Variants in ITFG1 observed in about 807,000 individuals in gnomAD.
ITFG1 encodes T-cell immunomodulatory protein.
In ITFG1, 34 loss-of-function variants were observed where a neutral mutation model predicts 81.8. The ratio of observed to expected loss-of-function variants is 0.42; its 90% CI spans 0.32 to 0.55. The LOEUF is 0.55. ITFG1 is among the 20% of genes least tolerant of loss of function. The pLI is 0.17. For missense variants in ITFG1, 672 were observed against 755.4 expected (o/e 0.89, Z 1.29); for synonymous variants, 285 against 270.6 (o/e 1.05, Z -0.52).
At chr16:47,296,513 G>C (rs2151557407) in intron 10 of ITFG1, among the ~76,000 whole-genome samples, 1 of 152,176 alleles carries the variant, frequency 6.6e-6, no homozygotes, top group African/African-American at 2.4e-5. Flanking sequence ...TCGGCTCACT[G>C]AAACTTCCGC....
At chr16:47,337,820 G>A (rs777030611) in intron 8 of ITFG1, among the ~76,000 whole-genome samples, 3 of 152,192 alleles carry the variant, frequency 2.0e-5, no homozygotes, top group Non-Finnish European at 2.9e-5. Flanking sequence ...CTCAGAAAGG[G>A]ACCTGAGAAG....
At chr16:47,388,984 G>C (rs1968496762) in intron 6 of ITFG1, among the ~76,000 whole-genome samples, 1 of 152,162 alleles carries the variant, frequency 6.6e-6, no homozygotes, top group Non-Finnish European at 1.5e-5. Flanking sequence ...TTGTAATGCT[G>C]CCTTTGTTCC....
intron 14 of ITFG1, among the ~76,000 whole-genome samples, chr16:47,211,169 C>T (rs1965556686): frequency 6.6e-6 from 1 of 152,182 alleles, no homozygotes. Context: ...TTGCGTATCT[C>T]TTCATTTATT....
At chr16:47,399,010 G>T (rs1163470174) in intron 6 of ITFG1, among the ~76,000 whole-genome samples, 1 of 152,184 alleles carries the variant, frequency 6.6e-6, no homozygotes, top group Non-Finnish European at 1.5e-5. Context: ...CCCTTAATCA[G>T]CTCTGAGAAG....
chr16:47,269,492 A>T (rs1176678212), intron 10 of ITFG1, among the ~76,000 whole-genome samples: 2 of 151,416 alleles, frequency 1.3e-5, no homozygotes, highest in East Asian at 3.9e-4. Context: ...CTATTAAAAA[A>T]AAAAAAAAAA....
At chr16:47,438,839 G>A (rs1226918055) in intron 5 of ITFG1, among the ~76,000 whole-genome samples, 2 of 152,226 alleles carry the variant, frequency 1.3e-5, no homozygotes, top group Non-Finnish European at 2.9e-5. Context: ...GATGGAGAAT[G>A]ACTTTGACGA....
intron 14 of ITFG1, among the ~76,000 whole-genome samples, chr16:47,201,220 T>C (rs1291656381): frequency 6.6e-6 from 1 of 151,632 alleles, no homozygotes; most frequent in African/African-American, 2.4e-5. Context: ...TTTTTTTTTT[T>C]TTTTTTGAGA....
chr16:47,335,172 C>T (rs1226826675), intron 8 of ITFG1, among the ~76,000 whole-genome samples: 1 of 152,158 alleles, frequency 6.6e-6, no homozygotes, highest in Non-Finnish European at 1.5e-5. Context: ...ACCTGGCCAA[C>T]ATGGTGAAAC....
At chr16:47,188,199 G>A (rs1965248084) in intron 14 of ITFG1, among the ~76,000 whole-genome samples, 1 of 151,428 alleles carries the variant, frequency 6.6e-6, no homozygotes, top group Admixed American at 6.6e-5. Flanking sequence ...GTGGAAGTCA[G>A]TGTGGCGATT....
chr16:47,276,042 A>G (rs930472420), intron 10 of ITFG1, among the ~76,000 whole-genome samples: 1 of 152,132 alleles, frequency 6.6e-6, no homozygotes, highest in Non-Finnish European at 1.5e-5. Flanking sequence ...TCAACACTGT[A>G]ATGAAGGTCC....
chr16:47,333,317 A>C lies in ITFG1; in HGVS notation c.803-19494T>G, dbSNP rs531501730. Among the ~76,000 whole-genome samples, 25 of 152,292 alleles carry C rather than the reference A, an allele frequency of 1.6e-4. 1 individual carries two copies. In the South Asian group the frequency reaches 5.0e-3, roughly 30 times the overall value. On this transcript the variant is annotated intron_variant, in intron 8 of 17. Coordinates refer to ENST00000320640, the MANE Select transcript of ITFG1 (RefSeq NM_030790.5). Reference sequence around the variant, plus strand: ...GCCAATACATGGCAGGCAAAAGTGGAATTTTAACTCAAGTCTGCCTAAGTT... The same window carrying C: ...GCCAATACATGGCAGGCAAAAGTGGCATTTTAACTCAAGTCTGCCTAAGTT...
intron 2 of ITFG1, among the ~76,000 whole-genome samples, chr16:47,458,547 G>A (rs548343293): frequency 6.6e-6 from 1 of 152,170 alleles, no homozygotes; most frequent in East Asian, 1.9e-4. Context: ...TATCATGGAG[G>A]TAGAGGTGTG....
chr16:47,412,440 C>T (rs1216814782), intron 6 of ITFG1, among the ~76,000 whole-genome samples: 2 of 152,078 alleles, frequency 1.3e-5, no homozygotes, highest in Admixed American at 6.6e-5. Flanking sequence ...AAATTCACTA[C>T]AAAGGCTGGG....
At chr16:47,360,747 C>G (rs1301351706) in intron 8 of ITFG1, among the ~76,000 whole-genome samples, 1 of 152,098 alleles carries the variant, frequency 6.6e-6, no homozygotes, top group Non-Finnish European at 1.5e-5. Flanking sequence ...GAACAAGAAA[C>G]AATTTTAATT....
At chr16:47,362,830 AT>A (rs993863442) in intron 8 of ITFG1, among the ~76,000 whole-genome samples, 1 of 151,880 alleles carries the variant, frequency 6.6e-6, no homozygotes, top group African/African-American at 2.4e-5. Context: ...TTACTCTTGT[AT>A]TTTTTTTAAC....
intron 12 of ITFG1, among the ~76,000 whole-genome samples, chr16:47,244,889 CAGG>C (rs757415014): frequency 7.9e-5 from 12 of 151,938 alleles, no homozygotes. Flanking sequence ...ACCTAGAAAC[CAGG>C]AGATGAGGCT....
intron 2 of ITFG1, 43 bp from the exon 3 acceptor site, chr16:47,454,201 G>A: frequency 6.8e-7 from 1 of 1,475,242 alleles, no homozygotes. Context: ...AAGTTGTAAT[G>A]GAAAAGGACA....
At chr16:47,327,636 A>G (rs1382982543) in intron 8 of ITFG1, among the ~76,000 whole-genome samples, 10 of 152,202 alleles carry the variant, frequency 6.6e-5, no homozygotes, top group South Asian at 2.1e-4. Context: ...CAAGAAAAAA[A>G]CAAACAACCT....
chr16:47,316,910 T>G (rs1276403347), intron 8 of ITFG1, among the ~76,000 whole-genome samples: 1 of 152,226 alleles, frequency 6.6e-6, no homozygotes, highest in Admixed American at 6.5e-5. Context: ...GCCTGTGAAC[T>G]TGGCACAGTA....
Sources: gnomAD v4.1 joint callset for allele counts (sites outside exome capture counted in the v4.1 genomes callset) on GRCh38, gnomAD v4.1.1 for gene constraint, MANE v1.5 for transcripts, NCBI Gene and HGNC (gene_info 2026-07-23, HGNC 2026-07-21) for gene names.